Variants in NCKAP1L observed in about 807,000 individuals in gnomAD.
NCKAP1L encodes nck-associated protein 1-like.
In NCKAP1L, 53 loss-of-function variants were observed where a neutral mutation model predicts 139.2. That is an observed-to-expected ratio of 0.38 (90% CI 0.31 to 0.48). NCKAP1L has a LOEUF of 0.48. NCKAP1L is among the 20% of genes least tolerant of loss of function. The pLI, the probability that NCKAP1L is intolerant of heterozygous loss-of-function variation, is 0.98. For synonymous variants in NCKAP1L, 468 were observed against 499.7 expected, an observed-to-expected ratio of 0.94 and a Z score of 0.85; for missense variants, 1,151 against 1,381.9, an observed-to-expected ratio of 0.83 and a Z score of 2.65.
At chr12:54,520,594 A>G in intron 16 of NCKAP1L, 100 bp from the exon 17 acceptor site, 1 of 1,196,662 alleles carries the variant, frequency 8.4e-7, no homozygotes, top group Non-Finnish European at 1.2e-6. Flanking sequence ...CCTCAAAGGG[A>G]CTAGCTCTTA....
intron 29 of NCKAP1L, among the ~76,000 whole-genome samples, chr12:54,538,091 C>G (rs1323398950): frequency 2.0e-5 from 3 of 152,126 alleles, no homozygotes; most frequent in South Asian, 2.1e-4. Context: ...AAGTATGGTC[C>G]CGATATAAGA....
At chr12:54,502,847 A>AAAAAAC (rs1956810813) in intron 3 of NCKAP1L, among the ~76,000 whole-genome samples, 1 of 150,474 alleles carries the variant, frequency 6.6e-6, no homozygotes, top group Admixed American at 6.6e-5. Context: ...AAAAAAAAAA[A>AAAAAAC]ATTAGCTGGG....
Position 54,546,503 on chromosome 12 carries a change from C to A in NCKAP1L, c.*3818C>A, listed in dbSNP as rs1272276340. On this transcript the variant is annotated 3_prime_UTR_variant, in exon 31 of 31. Transcript: ENST00000293373. ...AGGGAGGGAGGGTATATCTGTGTCC[C>A]CCAGCTAGGGACAAGGCTTCCTTAA... The A allele has an allele frequency of 6.6e-6, 1 of 152,160 alleles. No individual in the cohort carries two copies. The allele number at this position is 152,160 out of a possible 1,614,324, so 9.4% of individuals were successfully genotyped here.
intron 22 of NCKAP1L, among the ~76,000 whole-genome samples, chr12:54,530,467 C>G (rs1016422787): frequency 1.3e-5 from 2 of 152,198 alleles, no homozygotes; most frequent in African/African-American, 4.8e-5. Context: ...AGAACTGAGA[C>G]TCTGCGGGAT....
At chr12:54,537,142 G>T in intron 29 of NCKAP1L, 89 bp downstream of exon 29, 1 of 839,370 alleles carries the variant, frequency 1.2e-6, no homozygotes, top group Non-Finnish European at 1.9e-6. Context: ...CGTTGAACAG[G>T]CTTTTGAGTC....
In NCKAP1L at chr12:54,521,890, G is replaced by A. The variant is rs528214467; in HGVS notation, c.1878+652G>A. Among the ~76,000 whole-genome samples, 944 of 150,480 alleles carry A rather than the reference G, an allele frequency of 6.3e-3. 5 individuals carry two copies. Among genetic ancestry groups the A allele is most frequent in the Non-Finnish European group, 7.1e-3 (481 of 67,752 alleles). On this transcript the variant is annotated intron_variant, in intron 18 of 30. Transcript: ENST00000293373. ...TTGGTAAAGGGGAGTGTGTGTATGT[G>A]TGTGTGTGTGTGTGTGTGTGTGTGT... is the stretch of plus-strand genomic sequence containing the variant.
intron 29 of NCKAP1L, 49 bp downstream of exon 29, chr12:54,537,102 T>G: frequency 1.6e-6 from 2 of 1,272,338 alleles, no homozygotes; most frequent in Non-Finnish European, 2.3e-6. Flanking sequence ...AGGGCTGGAA[T>G]TGGTTTGACT....
Position 54,521,106 on chromosome 12 carries a change from C to T in NCKAP1L, c.1759-13C>T, listed in dbSNP as rs938099236. On this transcript the variant is annotated splice_polypyrimidine_tract_variant and intron_variant, in intron 17 of 30. Coordinates refer to ENST00000293373, the MANE Select transcript of NCKAP1L (RefSeq NM_005337.5). ...GTGATGACAGTCTCTTCTTTGGTCCCTCTTTCCCATAGTACCCCCACCTCA... is the reference window on the plus strand; with the variant it reads ...GTGATGACAGTCTCTTCTTTGGTCCTTCTTTCCCATAGTACCCCCACCTCA... 6.2e-7 allele frequency: 1 copy of T among 1,613,812 alleles called. No homozygotes were observed. The highest frequency in any genetic ancestry group is 8.5e-7 in the Non-Finnish European group (1 of 1,179,922).
intron 10 of NCKAP1L, 79 bp from the exon 11 acceptor site, chr12:54,516,817 A>G: frequency 2.4e-6 from 3 of 1,268,594 alleles, no homozygotes; most frequent in Non-Finnish European, 2.3e-6. Context: ...CTTCCTAAAT[A>G]TAGCTTTCTT....
chr12:54,506,796 A>AAAAAAAAAATATATATAT, intron 3 of NCKAP1L, among the ~76,000 whole-genome samples: 4 of 50,608 alleles, frequency 7.9e-5, no homozygotes, highest in African/African-American at 2.2e-4. Context: ...AAAAAAAAAA[A>AAAAAAAAAATATATATAT]ATATATATAT....
Position 54,528,989 on chromosome 12 carries a change from T to C in NCKAP1L, c.2506+612T>C, listed in dbSNP as rs1163488097. ...GAGTCTTAGCCAGTGTTTGGATTGCTGATGTTTAATAATAACGATGATGAG... is the reference window on the plus strand; with the variant it reads ...GAGTCTTAGCCAGTGTTTGGATTGCCGATGTTTAATAATAACGATGATGAG... On this transcript the variant is annotated intron_variant, in intron 22 of 30. Transcript: ENST00000293373. Among the ~76,000 whole-genome samples the C allele has an allele frequency of 2.6e-5, 4 of 152,186 alleles. No homozygotes were observed. The East Asian group carries it at 7.7e-4, about 29-fold the overall frequency.
At chr12:54,513,384 G>T (rs1956904021) in intron 9 of NCKAP1L, among the ~76,000 whole-genome samples, 3 of 152,312 alleles carry the variant, frequency 2.0e-5, no homozygotes, top group Middle Eastern at 3.4e-3. Context: ...TCTGGAACTT[G>T]GGAGTGAGGT....
Position 54,526,678 on chromosome 12 carries a change from C to T in NCKAP1L, c.2307C>T (p.Ala769=), listed in dbSNP as rs267603549. The T allele has an allele frequency of 6.2e-7, 1 of 1,614,072 alleles. No individual in the cohort carries two copies. The highest frequency in any genetic ancestry group is 8.5e-7 in the Non-Finnish European group (1 of 1,180,016). ...ATGCTTCCAGAGTCATCCGCAACGC[C>T]CTCCTGCAGCAGACACAACCACTGG... The part of the protein sequence containing the change: ...GADASRVIRN[A]LLQQTQPLDS... Residue 769 remains alanine (A), a synonymous_variant, in exon 21 of 31, where the codon GCC becomes GCT. Transcript: ENST00000293373.
intron 9 of NCKAP1L, among the ~76,000 whole-genome samples, chr12:54,514,104 A>T (rs1956910969): frequency 6.6e-6 from 1 of 152,080 alleles, no homozygotes; most frequent in Admixed American, 6.6e-5. Flanking sequence ...GCTTAAAAAA[A>T]CTTACTATGT....
In NCKAP1L at chr12:54,517,434, A is replaced by C. The variant is rs954434001; in HGVS notation, c.1096-99A>C. 9 of 803,558 alleles carry C rather than the reference A, an allele frequency of 1.1e-5. No homozygotes were observed. In the African/African-American group the frequency reaches 1.5e-4, roughly 14 times the overall value. The allele number at this position is 803,558 out of a possible 1,614,324, so 49.8% of individuals were successfully genotyped here. ...TTATTATTCACACTGTTGTGGCTAC[A>C]CAATTACATCCATACCTATATTATC... On this transcript the variant is annotated intron_variant, in intron 11 of 30. Coordinates refer to ENST00000293373, the MANE Select transcript of NCKAP1L (RefSeq NM_005337.5).
At chr12:54,540,483 T>A (rs892282862) in intron 30 of NCKAP1L, among the ~76,000 whole-genome samples, 6 of 152,130 alleles carry the variant, frequency 3.9e-5, no homozygotes, top group Non-Finnish European at 7.4e-5. Flanking sequence ...GCACAATACA[T>A]AGAGCAGCAG....
intron 9 of NCKAP1L, among the ~76,000 whole-genome samples, chr12:54,513,607 G>A (rs548230700): frequency 6.6e-6 from 1 of 152,328 alleles, no homozygotes; most frequent in Non-Finnish European, 1.5e-5. Flanking sequence ...CCAGTGATCT[G>A]TTAGACGATG....
At chr12:54,530,848 C>T (rs1957063197) in intron 22 of NCKAP1L, among the ~76,000 whole-genome samples, 1 of 152,176 alleles carries the variant, frequency 6.6e-6, no homozygotes, top group Non-Finnish European at 1.5e-5. Context: ...GTGGGTTGTT[C>T]ATGGCAGATA....
chr12:54,503,429 T>C (rs1442851368), intron 3 of NCKAP1L, among the ~76,000 whole-genome samples: 1 of 151,850 alleles, frequency 6.6e-6, no homozygotes, highest in Non-Finnish European at 1.5e-5. Context: ...AATTGTTTCA[T>C]GGGGAAATAA....
Sources: allele counts gnomAD v4.1 joint callset (sites outside exome capture counted in the v4.1 genomes callset), GRCh38; gene constraint gnomAD v4.1.1; transcripts MANE v1.5; gene names NCBI Gene and HGNC (gene_info 2026-07-23, HGNC 2026-07-21).